GYPC: variants seen among roughly 807,000 people sequenced by gnomAD.
GYPC encodes the protein glycophorin C (Gerbich blood group).
In GYPC, 14 loss-of-function variants were observed where a neutral mutation model predicts 12.6. The observed-to-expected ratio is 1.11, with a 90% CI of 0.74 to 1.74. GYPC has a LOEUF of 1.74. Among genes scored for constraint, GYPC ranks in the 40% most tolerant of loss-of-function variants. The pLI, the probability that GYPC is intolerant of heterozygous loss-of-function variation, is 0.00. For missense variants in GYPC, 225 were observed against 172.1 expected (o/e 1.31, Z -1.72); for synonymous variants, 78 against 62.1 (o/e 1.26, Z -1.20).
intron 1 of GYPC, among the ~76,000 whole-genome samples, chr2:126,687,825 T>C (rs1018531022): frequency 6.6e-6 from 1 of 152,132 alleles, no homozygotes; most frequent in Admixed American, 6.5e-5. Context: ...TCTCCCAGTA[T>C]ACAGATTTGA....
chr2:126,683,618 G>A (rs1683208656), intron 1 of GYPC, among the ~76,000 whole-genome samples: 1 of 152,246 alleles, frequency 6.6e-6, no homozygotes, highest in African/African-American at 2.4e-5. Context: ...TGGTGTTGAA[G>A]TAAGGTTCTG....
intron 1 of GYPC, chr2:126,686,101 C>T (rs1229496290): frequency 1.1e-5 from 11 of 985,076 alleles, no homozygotes; most frequent in Non-Finnish European, 1.2e-5. Flanking sequence ...AAGACCAGCC[C>T]ACGCAGGAAA....
At chr2:126,671,588 G>T (rs1682857888) in intron 1 of GYPC, among the ~76,000 whole-genome samples, 2 of 152,206 alleles carry the variant, frequency 1.3e-5, no homozygotes, top group African/African-American at 4.8e-5. Context: ...TAACCTGGTA[G>T]CTCCAGAGCT....
chr2:126,657,131 A>C (rs1682385141), intron 1 of GYPC, among the ~76,000 whole-genome samples: 1 of 152,248 alleles, frequency 6.6e-6, no homozygotes, highest in Admixed American at 6.5e-5. Flanking sequence ...TATGATAATG[A>C]TATGGGTATT....
At chr2:126,680,720 G>A (rs1045541622) in intron 1 of GYPC, among the ~76,000 whole-genome samples, 1 of 152,220 alleles carries the variant, frequency 6.6e-6, no homozygotes, top group African/African-American at 2.4e-5. Context: ...AAGGAGCAGT[G>A]GTCACTGAAT....
chr2:126,677,154 G>A (rs947141238), intron 1 of GYPC, among the ~76,000 whole-genome samples: 1 of 152,164 alleles, frequency 6.6e-6, no homozygotes, highest in African/African-American at 2.4e-5. Context: ...GCACCTGTCT[G>A]TGCATATGTG....
chr2:126,692,044 G>A lies in GYPC; in HGVS notation c.106+1733G>A, dbSNP rs184294185. The stretch of plus-strand genomic sequence containing the variant: ...CATGCATTCAGTGAATATTTATTGA[G>A]TACCTACTATGTGCTAGATACTAAA... On this transcript the variant is annotated intron_variant, in intron 2 of 3. Transcript: ENST00000259254. Among the ~76,000 whole-genome samples, 9 of 152,238 alleles carry A rather than the reference G, an allele frequency of 5.9e-5. No individual in the cohort carries two copies. The East Asian group carries it at 1.5e-3, about 26-fold the overall frequency.
In GYPC at chr2:126,678,025, T is replaced by C. The variant is rs28387157; in HGVS notation, c.50-12230T>C. The stretch of plus-strand genomic sequence containing the variant: ...TCACGAGGTCAGGAGATCAAGACCA[T>C]CCTGGCTAACACGGTGAAACCCCTT... On this transcript the variant is annotated intron_variant, in intron 1 of 3. Transcript: ENST00000259254. Among the ~76,000 whole-genome samples the C allele has an allele frequency of 3.8e-3, 586 of 152,232 alleles. 3 individuals carry two copies. Among genetic ancestry groups the C allele is most frequent in the African/African-American group, 0.013 (553 of 41,518 alleles).
chr2:126,657,179 G>A (rs527667797), intron 1 of GYPC, among the ~76,000 whole-genome samples: 1 of 152,180 alleles, frequency 6.6e-6, no homozygotes, highest in Non-Finnish European at 1.5e-5. Context: ...TGAAATCCAG[G>A]GGGTTGTGAG....
intron 1 of GYPC, among the ~76,000 whole-genome samples, chr2:126,681,539 T>C (rs1481129637): frequency 6.6e-6 from 1 of 151,720 alleles, no homozygotes; most frequent in Non-Finnish European, 1.5e-5. Context: ...ATATGCCAAA[T>C]AGTATACCAG....
chr2:126,690,109 C>G, intron 1 of GYPC, 146 bp from the exon 2 acceptor site: 1 of 720,598 alleles, frequency 1.4e-6, no homozygotes, highest in Admixed American at 2.0e-5. Context: ...TGCTAGGAGT[C>G]GGTGGGTGCA....
chr2:126,690,519 C>A (rs1370174183), intron 2 of GYPC, among the ~76,000 whole-genome samples: 3 of 152,062 alleles, frequency 2.0e-5, no homozygotes, highest in African/African-American at 4.8e-5. Flanking sequence ...AGGAGTCTAC[C>A]CCTGGGTAAA....
chr2:126,686,587 TA>T (rs1683296925), intron 1 of GYPC: 1 of 980,298 alleles, frequency 1.0e-6, no homozygotes, highest in African/African-American at 1.7e-5. Context: ...GCACCCAGTC[TA>T]ATGCTGAGTA....
At chr2:126,656,336 G>A in intron 1 of GYPC, 24 bp downstream of exon 1, 5 of 1,578,320 alleles carry the variant, frequency 3.2e-6, no homozygotes, top group Non-Finnish European at 4.3e-6. Flanking sequence ...GTGGGGAAGG[G>A]TCCTGGGGAC....
intron 1 of GYPC, chr2:126,657,527 A>G (rs1558876137): frequency 6.6e-6 from 1 of 152,254 alleles, no homozygotes. Context: ...CGTGCTGGGC[A>G]TGTTTATATA....
At chr2:126,668,920 C>A (rs1682759740) in intron 1 of GYPC, among the ~76,000 whole-genome samples, 2 of 152,214 alleles carry the variant, frequency 1.3e-5, no homozygotes, top group African/African-American at 4.8e-5. Flanking sequence ...TTTCTTATCA[C>A]ACGAATTCAG....
chr2:126,665,742 C>T (rs766285471), intron 1 of GYPC, among the ~76,000 whole-genome samples: 1 of 152,252 alleles, frequency 6.6e-6, no homozygotes, highest in Non-Finnish European at 1.5e-5. Flanking sequence ...CTCTGCCCTG[C>T]TCCGCACCTA....
intron 1 of GYPC, chr2:126,675,739 C>T (rs537049114): frequency 1.0e-6 from 1 of 964,766 alleles, no homozygotes; most frequent in Admixed American, 6.2e-5. Context: ...GCCCTTTCCT[C>T]ACCCAAGCAG....
intron 1 of GYPC, among the ~76,000 whole-genome samples, chr2:126,659,667 C>T (rs1463267943): frequency 3.9e-5 from 6 of 152,098 alleles, no homozygotes; most frequent in Non-Finnish European, 5.9e-5. Flanking sequence ...TGTTGTTTTT[C>T]GCTTTTGATA....
Sources: allele counts gnomAD v4.1 joint callset (sites outside exome capture counted in the v4.1 genomes callset), GRCh38; gene constraint gnomAD v4.1.1; transcripts MANE v1.5; gene names NCBI Gene and HGNC (gene_info 2026-07-23, HGNC 2026-07-21).